Variants in ZNF555 observed in about 807,000 individuals in gnomAD.
The protein encoded by ZNF555 is zinc finger protein 555.
In ZNF555, 10 loss-of-function variants were observed where a neutral mutation model predicts 14.0. That is an observed-to-expected ratio of 0.72 (90% CI 0.44 to 1.21). ZNF555 has a LOEUF of 1.21. ZNF555 is among the 50% of genes most tolerant of loss of function. The probability of loss-of-function intolerance (pLI) is 0.00; values close to 1 mark genes in which losing one functional copy is unlikely to be tolerated. For synonymous variants in ZNF555, 277 were observed against 262.4 expected (o/e 1.06, Z -0.54); for missense variants, 747 against 762.0 (o/e 0.98, Z 0.23).
chr19:2,857,661 C>G lies in ZNF555; in HGVS notation c.*3709C>G, dbSNP rs2087694691. On this transcript the variant is annotated 3_prime_UTR_variant, in exon 4 of 4. Transcript: ENST00000334241. ...GTTGTATGTATATTTTAAAGTTAAA[C>G]AATAAAAATGCTTTCAGTTTATTAA... 2 of 152,044 alleles carry G rather than the reference C, an allele frequency of 1.3e-5. No individual in the cohort carries two copies. The highest frequency in any genetic ancestry group is 4.8e-5 in the African/African-American group (2 of 41,384). The allele number at this position is 152,044 out of a possible 1,614,324, so 9.4% of individuals were successfully genotyped here.
rs754410330 is a variant in ZNF555 at position 2,854,125 on chromosome 19, A to C, written c.*173A>C. 1 of 741,708 alleles carries C rather than the reference A, an allele frequency of 1.3e-6. No homozygotes were observed. The highest frequency in any genetic ancestry group is 1.8e-5 in the African/African-American group (1 of 55,784). 45.9% of individuals were successfully genotyped at this position (741,708 alleles called of 1,614,324 possible). ...TTTCATCTTAGAGTGTTTTGGACTC[A>C]TGGATGATTTGAAGTGTATTTTTAA... On this transcript the variant is annotated 3_prime_UTR_variant, in exon 4 of 4. Transcript: ENST00000334241.
chr19:2,857,130 T>C lies in ZNF555; in HGVS notation c.*3178T>C, dbSNP rs1017609988. Reference sequence around the variant, plus strand: ...AAACATGTAACACCTTAGAGTTTTATTAAAGAGCAAACAATATCCAGTAAT... The same window carrying C: ...AAACATGTAACACCTTAGAGTTTTACTAAAGAGCAAACAATATCCAGTAAT... On this transcript the variant is annotated 3_prime_UTR_variant, in exon 4 of 4. Transcript: ENST00000334241. 1.5e-4 allele frequency: 23 copies of C among 152,216 alleles called. No individual in the cohort carries two copies. The highest frequency in any genetic ancestry group is 5.5e-4 in the African/African-American group (23 of 41,458). The allele number at this position is 152,216 out of a possible 1,614,324, so 9.4% of individuals were successfully genotyped here.
rs1568344854 is a variant in ZNF555 at position 2,853,082 on chromosome 19, C to G, written c.1017C>G (p.Pro339=). The change falls in exon 4 of 4, where the codon CCC becomes CCG. Residue 339 remains proline (P), a synonymous_variant. Coordinates refer to ENST00000334241, the MANE Select transcript of ZNF555 (RefSeq NM_152791.5). The part of the protein sequence containing the change: ...RHMITHTGEK[P]YECKQCGKTF... The stretch of plus-strand genomic sequence containing the variant: ...TGATAACACACACTGGAGAGAAACC[C>G]TACGAATGCAAACAATGTGGGAAAA... 1.2e-6 allele frequency: 2 copies of G among 1,613,934 alleles called. No individual in the cohort carries two copies. The highest frequency in any genetic ancestry group is 1.7e-6 in the Non-Finnish European group (2 of 1,179,944).
rs992893646 is a variant in ZNF555, at chr19:2,855,446, G to A, written c.*1494G>A. On this transcript the variant is annotated 3_prime_UTR_variant, in exon 4 of 4. Coordinates refer to ENST00000334241, the MANE Select transcript of ZNF555 (RefSeq NM_152791.5). ...AGTACCTGTAACCCCAGCTACTTGG[G>A]AGGCTGAGACAGGAGAAGTGCTTGA... is the stretch of plus-strand genomic sequence containing the variant. The A allele has an allele frequency of 6.6e-5, 10 of 152,246 alleles. No homozygotes were observed. Among genetic ancestry groups the A allele is most frequent in the African/African-American group, 2.2e-4 (9 of 41,520 alleles). 9.4% of individuals were successfully genotyped at this position (152,246 alleles called of 1,614,324 possible).
chr19:2,850,534 T>C (rs1199001433), intron 1 of ZNF555, 53 bp from the exon 2 acceptor site: 4 of 1,599,820 alleles, frequency 2.5e-6, no homozygotes, highest in South Asian at 2.2e-5. Context: ...AGTACAATGC[T>C]CCTGGGCTCT....
rs1248246241 is a variant in ZNF555, at chr19:2,856,609, G to C, written c.*2657G>C. The C allele has an allele frequency of 6.6e-6, 1 of 152,230 alleles. No individual in the cohort carries two copies. Among genetic ancestry groups the C allele is most frequent in the African/African-American group, 2.4e-5 (1 of 41,456 alleles). 9.4% of individuals were successfully genotyped at this position (152,230 alleles called of 1,614,324 possible). A position where few individuals can be genotyped will look rare whatever the true frequency, so the allele number is the denominator to read the frequency against. On this transcript the variant is annotated 3_prime_UTR_variant, in exon 4 of 4. Transcript: ENST00000334241. ...CACCAGGATCACACTGGTAGTCAAA[G>C]AAAATTTGCTGTGTTGAGTTGAAGT...
intron 3 of ZNF555, 35 bp downstream of exon 3, chr19:2,851,686 G>A: frequency 6.9e-7 from 1 of 1,450,474 alleles, no homozygotes; most frequent in South Asian, 1.6e-5. Flanking sequence ...TAGTATTTCA[G>A]GAGAGAATCT....
rs761941023 is a variant in ZNF555 at position 2,852,539 on chromosome 19, C to T, written c.474C>T (p.Ser158=). The change falls in exon 4 of 4, where the codon TCC becomes TCT. Residue 158 remains serine (S), a synonymous_variant. Transcript: ENST00000334241. ...AAGTCTTCATGCATCGCCGCACATC[C>T]CTCAAGAGTCCCATCACAGTTCACA... The part of the protein sequence containing the change: ...YGKVFMHRRT[S]LKSPITVHTG... 4 of 1,613,982 alleles carry T rather than the reference C, an allele frequency of 2.5e-6. No individual in the cohort carries two copies. Among genetic ancestry groups the T allele is most frequent in the Non-Finnish European group, 2.5e-6 (3 of 1,180,014 alleles).
At chr19:2,843,182 TA>T (rs772466749) in intron 1 of ZNF555, among the ~76,000 whole-genome samples, 6 of 152,226 alleles carry the variant, frequency 3.9e-5, no homozygotes, top group South Asian at 4.1e-4. Flanking sequence ...TTATTACTAT[TA>T]TTTTTTTGGG....
In ZNF555 at chr19:2,854,147, T is replaced by C; in HGVS notation, c.*195T>C. The C allele has an allele frequency of 1.6e-6, 1 of 634,848 alleles. No individual in the cohort carries two copies. The highest frequency in any genetic ancestry group is 2.6e-6 in the Non-Finnish European group (1 of 384,004). 39.3% of individuals were successfully genotyped at this position (634,848 alleles called of 1,614,324 possible). ...CTCATGGATGATTTGAAGTGTATTT[T>C]TAATATGCAAGTAGGTTCAAGTTTT... On this transcript the variant is annotated 3_prime_UTR_variant, in exon 4 of 4. Coordinates refer to ENST00000334241, the MANE Select transcript of ZNF555 (RefSeq NM_152791.5).
In ZNF555 at chr19:2,853,669, C is replaced by A. The variant is rs571840233; in HGVS notation, c.1604C>A (p.Pro535His). The A allele has an allele frequency of 6.3e-7, 1 of 1,583,580 alleles. No individual in the cohort carries two copies. The highest frequency in any genetic ancestry group is 2.2e-5 in the East Asian group (1 of 44,730). ...GTGAGAACGCACACTGTAGAGAAGC[C>A]CTATGAATGTAAGGAATGTGGGAAG... ...QHVRTHTVEK[P>H]YECKECGKVF... Residue 535 changes from proline to histidine, a missense_variant, in exon 4 of 4, where the codon CCC becomes CAC. Coordinates refer to ENST00000334241, the MANE Select transcript of ZNF555 (RefSeq NM_152791.5).
chr19:2,844,271 T>G (rs2087564291), intron 1 of ZNF555, among the ~76,000 whole-genome samples: 1 of 152,068 alleles, frequency 6.6e-6, no homozygotes, highest in Non-Finnish European at 1.5e-5. Flanking sequence ...CCCAGCTAAT[T>G]TTTGTATTTT....
intron 1 of ZNF555, among the ~76,000 whole-genome samples, chr19:2,850,125 T>C (rs2087616557): frequency 6.6e-6 from 1 of 152,228 alleles, no homozygotes; most frequent in Non-Finnish European, 1.5e-5. Flanking sequence ...CTGGCCCTTA[T>C]GAAGGAAATA....
intron 1 of ZNF555, among the ~76,000 whole-genome samples, chr19:2,844,598 G>T (rs1471762973): frequency 1.3e-5 from 2 of 152,244 alleles, no homozygotes; most frequent in East Asian, 3.8e-4. Context: ...GCTGTGCCAA[G>T]ATTTCAGACA....
chr19:2,853,081 C>T lies in ZNF555; in HGVS notation c.1016C>T (p.Pro339Leu). ...ATGATAACACACACTGGAGAGAAAC[C>T]CTACGAATGCAAACAATGTGGGAAA... is the stretch of plus-strand genomic sequence containing the variant. ...RHMITHTGEK[P>L]YECKQCGKTF... Residue 339 changes from proline to leucine, a missense_variant, in exon 4 of 4, where the codon CCC becomes CTC. Physicochemically the swap from Pro to Leu is moderately conservative, Grantham distance 98. Coordinates refer to ENST00000334241, the MANE Select transcript of ZNF555 (RefSeq NM_152791.5). 2 of 1,614,146 alleles carry T rather than the reference C, an allele frequency of 1.2e-6. No homozygotes were observed. The highest frequency in any genetic ancestry group is 1.7e-6 in the Non-Finnish European group (2 of 1,180,022).
At chr19:2,848,382 G>C (rs2087600485) in intron 1 of ZNF555, among the ~76,000 whole-genome samples, 1 of 151,800 alleles carries the variant, frequency 6.6e-6, no homozygotes, top group South Asian at 2.1e-4. Context: ...TCAATCTCCT[G>C]ACCTCGTGAT....
intron 1 of ZNF555, among the ~76,000 whole-genome samples, chr19:2,841,869 G>T (rs11084959): frequency 0.19 from 29,463 of 151,562 alleles, 3,812 homozygotes; most frequent in East Asian, 0.46. Context: ...GCGTCCCTGC[G>T]CTCCCGACCC....
Position 2,853,707 on chromosome 19 carries a change from CCAT to C in ZNF555, c.1647_1649del (p.Ser550del). 1.3e-6 allele frequency: 2 copies of C among 1,578,312 alleles called. No homozygotes were observed. Among genetic ancestry groups the C allele is most frequent in the Non-Finnish European group, 1.7e-6 (2 of 1,163,538 alleles). On this transcript the variant is annotated inframe_deletion, in exon 4 of 4. Coordinates refer to ENST00000334241, the MANE Select transcript of ZNF555 (RefSeq NM_152791.5). Reference sequence around the variant, plus strand: ...GGAATGTGGGAAGGTCTTCAAATGGCCATCATCTTTACCAATACATATGAGACT... The same window carrying C: ...GGAATGTGGGAAGGTCTTCAAATGGCCATCTTTACCAATACATATGAGACT...
intron 2 of ZNF555, 32 bp from the exon 3 acceptor site, chr19:2,851,433 CCTT>C (rs1263838157): frequency 3.9e-6 from 6 of 1,522,784 alleles, no homozygotes; most frequent in East Asian, 4.6e-5. Context: ...CTAACAAGTG[CCTT>C]CTTATATGAT....
Sources: allele counts gnomAD v4.1 joint callset (sites outside exome capture counted in the v4.1 genomes callset), GRCh38; gene constraint gnomAD v4.1.1; transcripts MANE v1.5; gene names NCBI Gene and HGNC (gene_info 2026-07-23, HGNC 2026-07-21).